Variants in RBM25 observed in about 807,000 individuals in gnomAD.
RBM25 encodes RNA-binding protein 25.
A neutral mutation model predicts 120.7 loss-of-function variants in RBM25; 19 were observed. The observed-to-expected ratio is 0.16, with a 90% CI of 0.11 to 0.23. RBM25 has a LOEUF of 0.23. RBM25 is among the 10% of genes least tolerant of loss of function. The probability of loss-of-function intolerance (pLI) is 1.00; values close to 1 mark genes in which losing one functional copy is unlikely to be tolerated. For synonymous variants in RBM25, 390 were observed against 326.7 expected (o/e 1.19, Z -2.09); for missense variants, 605 against 1,041.5 (o/e 0.58, Z 5.77).
chr14:73,122,627 ATAC>A lies in RBM25; in HGVS notation c.*2827_*2829del, dbSNP rs2140472465. ...CTTGATCTGGCAAAAAAGTAGTAGAATACTACTTTTCTTTATTTGTCCCTAAAA... is the reference window on the plus strand; with the variant it reads ...CTTGATCTGGCAAAAAAGTAGTAGAATACTTTTCTTTATTTGTCCCTAAAA... On this transcript the variant is annotated 3_prime_UTR_variant, in exon 19 of 19. Transcript: ENST00000261973. 1 of 152,324 alleles carries A rather than the reference ATAC, an allele frequency of 6.6e-6. No homozygotes were observed. The highest frequency in any genetic ancestry group is 2.1e-4 in the South Asian group (1 of 4,826). The allele number at this position is 152,324 out of a possible 1,614,324, so 9.4% of individuals were successfully genotyped here. A position where few individuals can be genotyped will look rare whatever the true frequency, so the allele number is the denominator to read the frequency against.
At position 73,058,586 on chromosome 14, in the gene RBM25, T is replaced by C. The variant is rs1594888571; in HGVS notation, c.-135T>C. The C allele has an allele frequency of 6.6e-6, 1 of 152,064 alleles. No homozygotes were observed. Among genetic ancestry groups the C allele is most frequent in the Admixed American group, 6.6e-5 (1 of 15,252 alleles). 9.4% of individuals were successfully genotyped at this position (152,064 alleles called of 1,614,324 possible). A position where few individuals can be genotyped will look rare whatever the true frequency, so the allele number is the denominator to read the frequency against. Reference sequence around the variant, plus strand: ...CGGCTGTATTTGCGGCCTGTGCGAGTAGGCGCTTGGGCACTCAGTCTCCCT... The same window carrying C: ...CGGCTGTATTTGCGGCCTGTGCGAGCAGGCGCTTGGGCACTCAGTCTCCCT... On this transcript the variant is annotated 5_prime_UTR_variant, in exon 1 of 19. Transcript: ENST00000261973.
At chr14:73,091,170 C>T (rs981236020) in intron 6 of RBM25, among the ~76,000 whole-genome samples, 24 of 152,146 alleles carry the variant, frequency 1.6e-4, no homozygotes, top group African/African-American at 4.3e-4. Flanking sequence ...CACTATACTA[C>T]GTATTTTTAT....
Position 73,097,389 on chromosome 14 carries a change from C to T in RBM25, c.729+289C>T, listed in dbSNP as rs942480731. Among the ~76,000 whole-genome samples, 13 of 151,622 alleles carry T rather than the reference C, an allele frequency of 8.6e-5. 1 individual carries two copies. The South Asian group carries it at 1.0e-3, about 12-fold the overall frequency. ...CTAATTTTTTGGTTTTTAGTAGAGA[C>T]GGGGTTTCACCGTGTTAGCCAGGAT... On this transcript the variant is annotated intron_variant, in intron 7 of 18. Coordinates refer to ENST00000261973, the MANE Select transcript of RBM25 (RefSeq NM_021239.3).
chr14:73,062,255 T>C (rs1895021678), intron 1 of RBM25, among the ~76,000 whole-genome samples: 1 of 151,646 alleles, frequency 6.6e-6, no homozygotes, highest in South Asian at 2.1e-4. Context: ...AAAGCTTTGC[T>C]GTAAAAGTAG....
intron 16 of RBM25, 56 bp from the exon 17 acceptor site, chr14:73,112,096 T>C (rs1729832710): frequency 2.1e-6 from 3 of 1,449,016 alleles, no homozygotes; most frequent in African/African-American, 2.9e-5. Context: ...GAAGCTTTAA[T>C]AACTGTTATA....
rs758001211 is a variant in RBM25 at position 73,112,139 on chromosome 14, G to A, written c.2293-13G>A. On this transcript the variant is annotated splice_polypyrimidine_tract_variant and intron_variant, in intron 16 of 18. Transcript: ENST00000261973. ...ACAATTCTTTAATTCAGTAACCGTG[G>A]TTTGTTTTGCAGATACTGATGGAAC... 7 of 1,585,760 alleles carry A rather than the reference G, an allele frequency of 4.4e-6. No homozygotes were observed. The South Asian group carries it at 8.1e-5, about 18-fold the overall frequency.
intron 10 of RBM25, among the ~76,000 whole-genome samples, chr14:73,103,718 A>C (rs1295088025): frequency 6.6e-6 from 1 of 151,784 alleles, no homozygotes; most frequent in Non-Finnish European, 1.5e-5. Context: ...ATGCCCAGCT[A>C]ATTTTTTGTA....
At chr14:73,076,147 C>G (rs746396728) in intron 2 of RBM25, among the ~76,000 whole-genome samples, 172 bp from the exon 3 acceptor site, 4 of 152,124 alleles carry the variant, frequency 2.6e-5, no homozygotes, top group African/African-American at 4.8e-5. Flanking sequence ...TTTATATGGA[C>G]CAACCTGATA....
chr14:73,069,568 G>C (rs1268159252), intron 1 of RBM25, among the ~76,000 whole-genome samples: 1 of 151,470 alleles, frequency 6.6e-6, no homozygotes, highest in Non-Finnish European at 1.5e-5. Context: ...CATGTAGCTG[G>C]GATTACAGGC....
chr14:73,114,396 T>C, intron 18 of RBM25, 63 bp downstream of exon 18: 2 of 1,245,606 alleles, frequency 1.6e-6, no homozygotes, highest in Non-Finnish European at 1.1e-6. Context: ...GTTTTTTTTG[T>C]CTTAAAATAT....
intron 18 of RBM25, among the ~76,000 whole-genome samples, chr14:73,115,152 A>G (rs1056270543): frequency 9.6e-5 from 10 of 104,308 alleles, no homozygotes; most frequent in Admixed American, 2.1e-4. Context: ...AGGAACTGAT[A>G]CGTGTGTGTG....
chr14:73,099,673 A>G lies in RBM25; in HGVS notation c.790A>G (p.Ile264Val), dbSNP rs1896020699. Residue 264 changes from isoleucine to valine, a missense_variant, in exon 9 of 19, where the codon ATA (isoleucine) becomes GTA (valine). By Grantham distance (29) the Ile-to-Val change is conservative. Coordinates refer to ENST00000261973, the MANE Select transcript of RBM25 (RefSeq NM_021239.3). ...IPYPLITKED[I>V]NAIEMEEDKR... Reference sequence around the variant, plus strand: ...TGTGCCCGTTTTCTTTTAGGAGGATATAAATGCTATAGAAATGGAAGAAGA... The same window carrying G: ...TGTGCCCGTTTTCTTTTAGGAGGATGTAAATGCTATAGAAATGGAAGAAGA... 1 of 1,595,876 alleles carries G rather than the reference A, an allele frequency of 6.3e-7. No individual in the cohort carries two copies. Among genetic ancestry groups the G allele is most frequent in the Non-Finnish European group, 8.5e-7 (1 of 1,175,704 alleles).
At chr14:73,071,257 A>G (rs939559783) in intron 1 of RBM25, among the ~76,000 whole-genome samples, 19 of 151,894 alleles carry the variant, frequency 1.3e-4, no homozygotes, top group Non-Finnish European at 2.1e-4. Context: ...AAAAAAAAAA[A>G]AAAATCAGAA....
chr14:73,075,943 G>C (rs779047323), intron 2 of RBM25, among the ~76,000 whole-genome samples: 6 of 152,008 alleles, frequency 3.9e-5, no homozygotes, highest in Non-Finnish European at 7.4e-5. Flanking sequence ...ACCGTGCCCA[G>C]CTGTTTTTAC....
At chr14:73,084,648 GT>G (rs1846868903) in intron 5 of RBM25, among the ~76,000 whole-genome samples, 1 of 151,436 alleles carries the variant, frequency 6.6e-6, no homozygotes, top group Non-Finnish European at 1.5e-5. Flanking sequence ...CACCTCCCAG[GT>G]TCAAGCAATT....
chr14:73,109,241 A>G, intron 13 of RBM25, 101 bp from the exon 14 acceptor site: 1 of 1,249,836 alleles, frequency 8.0e-7, no homozygotes, highest in Admixed American at 2.1e-5. Context: ...ACCTCTTAGC[A>G]TGCAGGTTGT....
chr14:73,087,904 A>G (rs1594913357), intron 5 of RBM25, 97 bp from the exon 6 acceptor site: 1 of 1,219,616 alleles, frequency 8.2e-7, no homozygotes, highest in East Asian at 2.5e-5. Flanking sequence ...TGGTCTTTGT[A>G]TTAAAACATT....
chr14:73,119,347 G>A lies in RBM25; in HGVS notation c.2440-366G>A, dbSNP rs531193290. 3.9e-5 allele frequency among the ~76,000 whole-genome samples: 6 copies of A among 151,900 alleles called. No homozygotes were observed. The South Asian group carries it at 1.0e-3, about 26-fold the overall frequency. On this transcript the variant is annotated intron_variant, in intron 18 of 18. Transcript: ENST00000261973. ...GAGTGCAGTGGCGCGATCTTGGCAA[G>A]CTCCGCCTCCTGGGTTCACGTCATT... is the stretch of plus-strand genomic sequence containing the variant.
At chr14:73,078,749 C>T (rs146218321) in intron 4 of RBM25, among the ~76,000 whole-genome samples, 4 of 152,232 alleles carry the variant, frequency 2.6e-5, no homozygotes, top group Non-Finnish European at 4.4e-5. Context: ...GGATTACAGG[C>T]GCGTGCCATG....
Sources: gnomAD v4.1 joint callset for allele counts (sites outside exome capture counted in the v4.1 genomes callset) on GRCh38, gnomAD v4.1.1 for gene constraint, MANE v1.5 for transcripts, NCBI Gene and HGNC (gene_info 2026-07-23, HGNC 2026-07-21) for gene names.